Variants in NRG3 observed in about 807,000 individuals in gnomAD.
NRG3 encodes the protein neuregulin 3, also known as pro-neuregulin-3, membrane-bound isoform.
A neutral mutation model predicts 66.9 loss-of-function variants in NRG3; 31 were observed. The ratio of observed to expected loss-of-function variants is 0.46; its 90% CI spans 0.35 to 0.63. The LOEUF (loss-of-function observed/expected upper bound fraction) is 0.63. Ranked by LOEUF, NRG3 falls within the 20% of genes least tolerant of loss-of-function variation. The pLI is 0.00. For synonymous variants in NRG3, 393 were observed against 359.4 expected (o/e 1.09, Z -1.06); for missense variants, 910 against 878.9 (o/e 1.04, Z -0.45).
intron 2 of NRG3, among the ~76,000 whole-genome samples, chr10:82,506,281 C>T (rs1218669079): frequency 6.6e-6 from 1 of 152,136 alleles, no homozygotes; most frequent in African/African-American, 2.4e-5. Flanking sequence ...AGAGACTTTG[C>T]GAGGAATGTT....
At chr10:82,049,724 A>G (rs922698237) in intron 1 of NRG3, among the ~76,000 whole-genome samples, 7 of 151,992 alleles carry the variant, frequency 4.6e-5, no homozygotes, top group East Asian at 3.9e-4. Flanking sequence ...TCTGCATCCA[A>G]TTGGATGCTG....
intron 1 of NRG3, among the ~76,000 whole-genome samples, chr10:81,963,320 A>C (rs2059599685): frequency 6.7e-6 from 1 of 150,108 alleles, no homozygotes; most frequent in Admixed American, 6.6e-5. Context: ...TTTTTAGTAG[A>C]GACGGGGTTT....
intron 2 of NRG3, among the ~76,000 whole-genome samples, chr10:82,502,562 A>G (rs1844295662): frequency 6.6e-6 from 1 of 152,194 alleles, no homozygotes; most frequent in African/African-American, 2.4e-5. Context: ...AGAAAAGGTG[A>G]TTATATTTCT....
At chr10:82,295,453 T>C (rs1285730267) in intron 1 of NRG3, among the ~76,000 whole-genome samples, 1 of 152,100 alleles carries the variant, frequency 6.6e-6, no homozygotes, top group East Asian at 1.9e-4. Context: ...CGAGGGTACA[T>C]TTTTAATAGA....
At chr10:82,016,226 A>ATT (rs1436020710) in intron 1 of NRG3, among the ~76,000 whole-genome samples, 4 of 152,060 alleles carry the variant, frequency 2.6e-5, no homozygotes, top group Admixed American at 6.6e-5. Flanking sequence ...AATCAAGTGT[A>ATT]TTTTTAATGG....
rs375688737 is a variant in NRG3, at chr10:82,570,606, C to T, written c.954-167971C>T. On this transcript the variant is annotated intron_variant, in intron 2 of 8. Coordinates refer to ENST00000372141, the MANE Select transcript of NRG3 (RefSeq NM_001010848.4). Reference sequence around the variant, plus strand: ...AAGAGGTGCAATAAAGGCACAAAAACCATAAATATTAATGGGCATGATTTG... The same window carrying T: ...AAGAGGTGCAATAAAGGCACAAAAATCATAAATATTAATGGGCATGATTTG... Among the ~76,000 whole-genome samples the T allele has an allele frequency of 8.6e-5, 13 of 151,532 alleles. No individual in the cohort carries two copies. In the South Asian group the frequency reaches 1.7e-3, roughly 19 times the overall value.
chr10:82,377,449 T>TGC (rs1425057235), intron 2 of NRG3, among the ~76,000 whole-genome samples: 1 of 128,428 alleles, frequency 7.8e-6, no homozygotes, highest in African/African-American at 3.9e-5. Context: ...TGTGTGTGTG[T>TGC]GTGTGTGTGC....
intron 1 of NRG3, among the ~76,000 whole-genome samples, chr10:82,175,639 G>T (rs2072970421): frequency 6.6e-6 from 1 of 152,134 alleles, no homozygotes; most frequent in Non-Finnish European, 1.5e-5. Flanking sequence ...CTACAAACTT[G>T]TAAGATAGCA....
Position 82,203,619 on chromosome 10 carries a change from A to C in NRG3, c.824-155120A>C, listed in dbSNP as rs147420218. 2.0e-3 allele frequency among the ~76,000 whole-genome samples: 301 copies of C among 152,332 alleles called. 1 individual carries two copies. Among genetic ancestry groups the C allele is most frequent in the African/African-American group, 6.7e-3 (277 of 41,586 alleles). On this transcript the variant is annotated intron_variant, in intron 1 of 8. Coordinates refer to ENST00000372141, the MANE Select transcript of NRG3 (RefSeq NM_001010848.4). ...GGGTGACTTCACATTAAAAACTATC[A>C]TAAGACATATAAAATTAGAATGCAA... is the stretch of plus-strand genomic sequence containing the variant.
chr10:82,505,897 G>A lies in NRG3; in HGVS notation c.953+147029G>A, dbSNP rs149413376. Among the ~76,000 whole-genome samples the A allele has an allele frequency of 6.6e-3, 1,003 of 152,284 alleles. 9 individuals carry two copies. Among genetic ancestry groups the A allele is most frequent in the South Asian group, 0.04 (193 of 4,812 alleles). ...CCTAACAATTGTATTTTTAAGAAGA[G>A]TGCTACAAGGATTTTTAATGGTTAA... On this transcript the variant is annotated intron_variant, in intron 2 of 8. Coordinates refer to ENST00000372141, the MANE Select transcript of NRG3 (RefSeq NM_001010848.4).
At chr10:81,879,942 G>C (rs1382801828) in intron 1 of NRG3, among the ~76,000 whole-genome samples, 4 of 152,146 alleles carry the variant, frequency 2.6e-5, no homozygotes, top group Non-Finnish European at 5.9e-5. Context: ...AACGTAGAAG[G>C]TACTGACCCC....
chr10:82,717,961 A>C (rs1032277686), intron 2 of NRG3, among the ~76,000 whole-genome samples: 16 of 152,098 alleles, frequency 1.1e-4, no homozygotes, highest in African/African-American at 3.9e-4. Flanking sequence ...GACAGCTATC[A>C]GCTGTGGGAT....
At chr10:82,629,385 G>A (rs2049653536) in intron 2 of NRG3, among the ~76,000 whole-genome samples, 1 of 152,180 alleles carries the variant, frequency 6.6e-6, no homozygotes, top group Non-Finnish European at 1.5e-5. Context: ...ATGCATTTTA[G>A]TATTATCTTC....
At chr10:82,044,270 G>C (rs1364515083) in intron 1 of NRG3, among the ~76,000 whole-genome samples, 3 of 151,898 alleles carry the variant, frequency 2.0e-5, no homozygotes, top group Non-Finnish European at 2.9e-5. Flanking sequence ...TGTAGTTCAG[G>C]GTTGCAGGTG....
chr10:81,968,238 C>T (rs1454095009), intron 1 of NRG3, among the ~76,000 whole-genome samples: 3 of 152,198 alleles, frequency 2.0e-5, no homozygotes, highest in African/African-American at 4.8e-5. Context: ...ACAGGATTCT[C>T]ATTGGCCAAA....
intron 3 of NRG3, among the ~76,000 whole-genome samples, chr10:82,823,758 C>A (rs920314008): frequency 6.6e-6 from 1 of 152,132 alleles, no homozygotes; most frequent in African/African-American, 2.4e-5. Context: ...TTCAGAGTAA[C>A]CCCAGGGCTT....
intron 2 of NRG3, among the ~76,000 whole-genome samples, chr10:82,519,528 C>A (rs1845998806): frequency 1.3e-5 from 2 of 152,254 alleles, no homozygotes; most frequent in East Asian, 3.9e-4. Context: ...AATTCCCTTT[C>A]CCTTTCCTTC....
chr10:82,635,996 A>G (rs1312059071), intron 2 of NRG3, among the ~76,000 whole-genome samples: 1 of 152,094 alleles, frequency 6.6e-6, no homozygotes, highest in African/African-American at 2.4e-5. Flanking sequence ...AGTCCAAGGG[A>G]ATCTTCATGG....
chr10:82,392,021 AC>A (rs1441451879), intron 2 of NRG3, among the ~76,000 whole-genome samples: 8 of 148,888 alleles, frequency 5.4e-5, no homozygotes, highest in African/African-American at 2.5e-5. Flanking sequence ...CAAAAAAAAA[AC>A]CCACGAAACT....
Sources: allele counts gnomAD v4.1 joint callset (sites outside exome capture counted in the v4.1 genomes callset), GRCh38; gene constraint gnomAD v4.1.1; transcripts MANE v1.5; gene names NCBI Gene and HGNC (gene_info 2026-07-23, HGNC 2026-07-21).